Variants in DYNC2LI1 observed in about 807,000 individuals in gnomAD.
The protein encoded by DYNC2LI1 is cytoplasmic dynein 2 light intermediate chain 1.
DYNC2LI1 carries 45 observed loss-of-function variants against 51.9 expected under a neutral mutation model. The ratio of observed to expected loss-of-function variants is 0.87; its 90% CI spans 0.68 to 1.11. The LOEUF (loss-of-function observed/expected upper bound fraction) is 1.11, where lower values mean the gene tolerates loss of function less well. Among genes scored for constraint, DYNC2LI1 ranks in the 50% most tolerant of loss-of-function variants. The pLI, the probability that DYNC2LI1 is intolerant of heterozygous loss-of-function variation, is 0.00. For missense variants in DYNC2LI1, 490 were observed against 417.4 expected (o/e 1.17, Z -1.51); for synonymous variants, 130 against 137.8 (o/e 0.94, Z 0.40).
the DYNC2LI1 span, among the ~76,000 whole-genome samples, chr2:43,819,052 G>T: frequency 6.6e-6 from 1 of 152,158 alleles, no homozygotes; most frequent in African/African-American, 2.4e-5. Flanking sequence ...AAAATGGATT[G>T]CTCTGAGAGT....
the DYNC2LI1 span, chr2:43,819,810 C>T: frequency 8.1e-7 from 1 of 1,235,924 alleles, no homozygotes; most frequent in African/African-American, 1.5e-5. Flanking sequence ...AGGTAATATC[C>T]ATAACCACTA....
At chr2:43,826,707 A>G in the DYNC2LI1 span, among the ~76,000 whole-genome samples, 1 of 152,202 alleles carries the variant, frequency 6.6e-6, no homozygotes. Context: ...GGAAGGGCCT[A>G]GTTCCCAGCT....
In DYNC2LI1 at chr2:43,804,724, G is replaced by T. The variant is rs920400738; in HGVS notation, c.885G>T (p.Lys295Asn). Residue 295 changes from lysine (K) to asparagine (N), a missense_variant, in exon 11 of 13, where the codon AAG becomes AAT. Physicochemically the swap from Lys to Asn is moderately conservative, Grantham distance 94. Coordinates refer to ENST00000260605, the MANE Select transcript of DYNC2LI1 (RefSeq NM_016008.4). ...PMELWKKVYE[K>N]LFPPKSINTL... ...AGTTGTGGAAAAAAGTGTATGAAAA[G>T]CTCTTTCCACCAAAGGTACATATTT... The T allele has an allele frequency of 6.2e-6, 10 of 1,601,992 alleles. No individual in the cohort carries two copies. Among genetic ancestry groups the T allele is most frequent in the Non-Finnish European group, 8.5e-6 (10 of 1,174,842 alleles).
intron 6 of DYNC2LI1, chr2:43,794,891 A>C: frequency 7.2e-7 from 1 of 1,388,732 alleles, no homozygotes; most frequent in East Asian, 2.6e-5. Context: ...CAATCAGAGA[A>C]ATAGAGTTTT....
At chr2:43,826,314 TG>T in the DYNC2LI1 span, 2 of 1,609,474 alleles carry the variant, frequency 1.2e-6, no homozygotes, top group Non-Finnish European at 1.7e-6. Flanking sequence ...GTACAAATCT[TG>T]CCCCTGCCCC....
chr2:43,810,833 G>A (rs541595884), downstream of DYNC2LI1, among the ~76,000 whole-genome samples: 14 of 152,270 alleles, frequency 9.2e-5, no homozygotes, highest in South Asian at 6.2e-4. Flanking sequence ...TGAACATTAT[G>A]ATCTCAGAAA....
chr2:43,796,376 T>G (rs1674037818), intron 7 of DYNC2LI1, among the ~76,000 whole-genome samples: 1 of 151,906 alleles, frequency 6.6e-6, no homozygotes, highest in Non-Finnish European at 1.5e-5. Context: ...CTGGGGAATA[T>G]GACTTACTTC....
downstream of DYNC2LI1, chr2:43,810,572 A>C: frequency 4.2e-6 from 4 of 945,940 alleles, no homozygotes; most frequent in Non-Finnish European, 5.0e-6. Context: ...ATGTTCTTCC[A>C]TGTCCACATA....
chr2:43,822,470 T>TGC, the DYNC2LI1 span: 3 of 354,562 alleles, frequency 8.5e-6, no homozygotes, highest in Non-Finnish European at 1.1e-5. Flanking sequence ...CTTTCTCCCC[T>TGC]CCCCCAGGCC....
intron 8 of DYNC2LI1, among the ~76,000 whole-genome samples, chr2:43,798,994 A>G (rs1665984880): frequency 6.6e-6 from 1 of 152,106 alleles, no homozygotes; most frequent in African/African-American, 2.4e-5. Flanking sequence ...TGAACAATCT[A>G]ATTAAGTTAA....
chr2:43,800,993 T>G, intron 9 of DYNC2LI1, 76 bp downstream of exon 9: 1 of 920,212 alleles, frequency 1.1e-6, no homozygotes, highest in Non-Finnish European at 1.6e-6. Flanking sequence ...ATTATTGTTC[T>G]ACTCAGTCTC....
At chr2:43,822,471 C>T in the DYNC2LI1 span, 1 of 552,758 alleles carries the variant, frequency 1.8e-6, no homozygotes, top group Non-Finnish European at 2.2e-6. Flanking sequence ...TTTCTCCCCT[C>T]CCCCAGGCCC....
the DYNC2LI1 span, among the ~76,000 whole-genome samples, chr2:43,823,107 C>T: frequency 6.6e-6 from 1 of 152,172 alleles, no homozygotes; most frequent in Non-Finnish European, 1.5e-5. Flanking sequence ...TAAATCCCCA[C>T]CCCGGAAATC....
chr2:43,801,793 A>G, intron 10 of DYNC2LI1, 84 bp downstream of exon 10: 1 of 969,484 alleles, frequency 1.0e-6, no homozygotes. Flanking sequence ...TGTCTCCAAC[A>G]TACTCCTATT....
At chr2:43,806,901 T>C (rs1289206034) in intron 12 of DYNC2LI1, among the ~76,000 whole-genome samples, 2 of 152,136 alleles carry the variant, frequency 1.3e-5, no homozygotes, top group Admixed American at 6.5e-5. Flanking sequence ...TCGAGATTTT[T>C]TTTTAACCTA....
the DYNC2LI1 span, among the ~76,000 whole-genome samples, chr2:43,816,733 GA>G: frequency 5.3e-5 from 8 of 151,906 alleles, no homozygotes; most frequent in South Asian, 2.1e-4. Flanking sequence ...TGTTAAATGG[GA>G]AAAAAAGTAT....
chr2:43,809,050 G>A lies in DYNC2LI1; in HGVS notation c.994-655G>A, dbSNP rs192678244. ...GTCACCCAGGCTGGAGTGCAGTGGCGCAATCACAGTTTACTGCAGCCTTGG... is the reference window on the plus strand; with the variant it reads ...GTCACCCAGGCTGGAGTGCAGTGGCACAATCACAGTTTACTGCAGCCTTGG... On this transcript the variant is annotated intron_variant, in intron 12 of 12. Transcript: ENST00000260605. 3.1e-3 allele frequency among the ~76,000 whole-genome samples: 477 copies of A among 151,886 alleles called. 3 individuals carry two copies. Among genetic ancestry groups the A allele is most frequent in the Middle Eastern group, 0.014 (4 of 294 alleles).
intron 1 of DYNC2LI1, among the ~76,000 whole-genome samples, chr2:43,774,445 C>T (rs959218074): frequency 6.6e-6 from 1 of 152,170 alleles, no homozygotes; most frequent in Non-Finnish European, 1.5e-5. Context: ...GGACATTCGG[C>T]GATGAGCTAG....
At chr2:43,774,443 G>A (rs568347992) in intron 1 of DYNC2LI1, among the ~76,000 whole-genome samples, 37 of 152,276 alleles carry the variant, frequency 2.4e-4, no homozygotes, top group Admixed American at 2.0e-3. Flanking sequence ...CAGGACATTC[G>A]GCGATGAGCT....
Sources: allele counts gnomAD v4.1 joint callset (sites outside exome capture counted in the v4.1 genomes callset), GRCh38; gene constraint gnomAD v4.1.1; transcripts MANE v1.5; gene names NCBI Gene and HGNC (gene_info 2026-07-23, HGNC 2026-07-21).